Variants in OR9Q1 observed in about 807,000 individuals in gnomAD.
OR9Q1 encodes olfactory receptor 9Q1.
For synonymous variants in OR9Q1, 153 were observed against 148.6 expected, an observed-to-expected ratio of 1.03 and a Z score of -0.22; for missense variants, 374 against 378.8, an observed-to-expected ratio of 0.99 and a Z score of 0.11.
At chr11:58,107,475 T>C (rs1048800323) in intron 2 of OR9Q1, among the ~76,000 whole-genome samples, 7 of 152,310 alleles carry the variant, frequency 4.6e-5, no homozygotes, top group African/African-American at 1.4e-4. Flanking sequence ...TATTCCATGG[T>C]GTATATGTGC....
At chr11:58,167,778 C>A (rs1854519117) in intron 2 of OR9Q1, among the ~76,000 whole-genome samples, 1 of 152,150 alleles carries the variant, frequency 6.6e-6, no homozygotes, top group Admixed American at 6.5e-5. Context: ...CTAGCCCAAG[C>A]TGTTCCCATG....
chr11:58,048,417 C>T (rs771785890), intron 1 of OR9Q1, among the ~76,000 whole-genome samples: 8 of 151,478 alleles, frequency 5.3e-5, no homozygotes, highest in Non-Finnish European at 8.8e-5. Flanking sequence ...GCCTGTAATC[C>T]CAGCACTTTA....
At chr11:58,152,996 C>T (rs940703766) in intron 2 of OR9Q1, among the ~76,000 whole-genome samples, 1 of 152,200 alleles carries the variant, frequency 6.6e-6, no homozygotes, top group Non-Finnish European at 1.5e-5. Context: ...GATGCTGGTG[C>T]CTGGCACAGA....
chr11:58,083,638 T>C (rs1402667621), intron 2 of OR9Q1, among the ~76,000 whole-genome samples: 1 of 149,864 alleles, frequency 6.7e-6, no homozygotes. Flanking sequence ...ATTTTGTATA[T>C]GCTGAAAGGT....
intron 1 of OR9Q1, among the ~76,000 whole-genome samples, chr11:58,045,543 T>C (rs1334067963): frequency 1.3e-5 from 2 of 152,134 alleles, no homozygotes; most frequent in Non-Finnish European, 2.9e-5. Context: ...CATAATGATA[T>C]GTGCTTTGAA....
rs1362630430 is a variant in OR9Q1, at chr11:58,096,701, C to G, written c.-15+40754C>G. On this transcript the variant is annotated intron_variant, in intron 2 of 2. Coordinates refer to ENST00000335397, the MANE Select transcript of OR9Q1 (RefSeq NM_001005212.4). ...GCTAATTTTATTTTTTTGAGACAGT[C>G]TCTTTTTTTTTTTTTTTTTTGAGGT... is the stretch of plus-strand genomic sequence containing the variant. Among the ~76,000 whole-genome samples, 16 of 91,324 alleles carry G rather than the reference C, an allele frequency of 1.8e-4. No homozygotes were observed. In the Admixed American group the frequency reaches 2.0e-3, roughly 11 times the overall value. The allele number at this position is 91,324 out of a possible 152,430, so 59.9% of individuals were successfully genotyped here. A position where few individuals can be genotyped will look rare whatever the true frequency, so the allele number is the denominator to read the frequency against.
At chr11:58,158,082 T>G (rs1937606296) in intron 2 of OR9Q1, among the ~76,000 whole-genome samples, 1 of 152,198 alleles carries the variant, frequency 6.6e-6, no homozygotes, top group Admixed American at 6.5e-5. Flanking sequence ...TCATGGGAAC[T>G]AGACTCCAGG....
At chr11:58,153,782 C>T (rs528939055) in intron 2 of OR9Q1, among the ~76,000 whole-genome samples, 5 of 152,094 alleles carry the variant, frequency 3.3e-5, no homozygotes, top group Admixed American at 1.3e-4. Flanking sequence ...TCTCTGATTT[C>T]CTCAGCTGTA....
At chr11:58,104,425 A>G (rs1853820906) in intron 2 of OR9Q1, among the ~76,000 whole-genome samples, 1 of 152,018 alleles carries the variant, frequency 6.6e-6, no homozygotes, top group Non-Finnish European at 1.5e-5. Context: ...CTTTTTCCCA[A>G]ATCTTCTCCA....
At chr11:58,134,951 A>AT (rs1342671079) in intron 2 of OR9Q1, among the ~76,000 whole-genome samples, 3 of 152,156 alleles carry the variant, frequency 2.0e-5, no homozygotes, top group Non-Finnish European at 1.5e-5. Flanking sequence ...GTAATTTGTA[A>AT]TTTTTTGGGA....
At chr11:58,065,989 G>A (rs187026105) in intron 2 of OR9Q1, among the ~76,000 whole-genome samples, 43 of 152,242 alleles carry the variant, frequency 2.8e-4, no homozygotes, top group South Asian at 4.1e-4. Context: ...GGGAACTCAC[G>A]GAGAGGGGCG....
chr11:58,120,529 T>C (rs1854018768), intron 2 of OR9Q1, among the ~76,000 whole-genome samples: 1 of 151,954 alleles, frequency 6.6e-6, no homozygotes, highest in Non-Finnish European at 1.5e-5. Context: ...TAGTGGTGAT[T>C]TGTGAGATTT....
chr11:58,071,092 C>T (rs896752002), intron 2 of OR9Q1, among the ~76,000 whole-genome samples: 1 of 152,184 alleles, frequency 6.6e-6, no homozygotes, highest in Non-Finnish European at 1.5e-5. Flanking sequence ...TTATATCCAG[C>T]AGCAATTGGG....
rs766803352 is a variant in OR9Q1 at position 58,179,747 on chromosome 11, C to T, written c.303C>T (p.Phe101=). ...CTTACACACGCTGTGCTGCTCAGTT[C>T]TTTCTGTTCACCTTCTTTGGTTCCA... The part of the protein sequence containing the change: ...ALSYTRCAAQ[F]FLFTFFGSID... Residue 101 remains phenylalanine, a synonymous_variant, in exon 3 of 3, where the codon TTC becomes TTT. Coordinates refer to ENST00000335397, the MANE Select transcript of OR9Q1 (RefSeq NM_001005212.4). 1.2e-6 allele frequency: 2 copies of T among 1,614,088 alleles called. No individual in the cohort carries two copies. The highest frequency in any genetic ancestry group is 2.2e-5 in the South Asian group (2 of 91,092).
intron 1 of OR9Q1, among the ~76,000 whole-genome samples, chr11:58,053,802 C>T (rs1357593723): frequency 2.0e-5 from 3 of 151,646 alleles, no homozygotes; most frequent in East Asian, 1.9e-4. Flanking sequence ...CATTCTTTTT[C>T]GGAACAGCTT....
intron 2 of OR9Q1, chr11:58,077,664 A>G (rs1224008546): frequency 1.3e-5 from 2 of 152,226 alleles, no homozygotes; most frequent in African/African-American, 2.4e-5. Flanking sequence ...AGTGCCAGCT[A>G]TAATCATAAA....
chr11:58,043,932 G>A (rs971773059), intron 1 of OR9Q1, among the ~76,000 whole-genome samples: 2 of 152,100 alleles, frequency 1.3e-5, no homozygotes, highest in African/African-American at 4.8e-5. Flanking sequence ...TTTGTTGTTG[G>A]TACCCTTGCA....
intron 1 of OR9Q1, chr11:58,044,683 G>A (rs966061915): frequency 1.3e-5 from 2 of 152,012 alleles, no homozygotes; most frequent in African/African-American, 4.8e-5. Flanking sequence ...TTAAAAATGT[G>A]TTCCGTATAT....
intron 2 of OR9Q1, among the ~76,000 whole-genome samples, chr11:58,058,402 C>T (rs1349423061): frequency 1.3e-5 from 2 of 152,206 alleles, no homozygotes; most frequent in Non-Finnish European, 2.9e-5. Flanking sequence ...CCTCCCACAG[C>T]TTCCTCATCA....
Sources: allele counts gnomAD v4.1 joint callset (sites outside exome capture counted in the v4.1 genomes callset), GRCh38; gene constraint gnomAD v4.1.1; transcripts MANE v1.5; gene names NCBI Gene and HGNC (gene_info 2026-07-23, HGNC 2026-07-21).